MAP3K3: variants seen among roughly 807,000 people sequenced by gnomAD.
MAP3K3 encodes mitogen-activated protein kinase kinase kinase 3.
A neutral mutation model predicts 80.9 loss-of-function variants in MAP3K3; 12 were observed. That is an observed-to-expected ratio of 0.15 (90% CI 0.10 to 0.24). MAP3K3 has a LOEUF of 0.24. MAP3K3 is among the 10% of genes least tolerant of loss of function. MAP3K3 has a pLI of 1.00. For synonymous variants in MAP3K3, 272 were observed against 307.1 expected, an observed-to-expected ratio of 0.89 and a Z score of 1.19; for missense variants, 596 against 834.7, an observed-to-expected ratio of 0.71 and a Z score of 3.52.
chr17:63,631,928 T>G (rs1285187980), intron 1 of MAP3K3, among the ~76,000 whole-genome samples: 1 of 152,162 alleles, frequency 6.6e-6, no homozygotes, highest in Non-Finnish European at 1.5e-5. Context: ...AGGCCCTTAT[T>G]TGGTACCTTT....
intron 2 of MAP3K3, among the ~76,000 whole-genome samples, chr17:63,635,414 G>A (rs1284265193): frequency 1.3e-5 from 2 of 152,160 alleles, no homozygotes; most frequent in African/African-American, 2.4e-5. Context: ...TGTTAATATG[G>A]GCAAAAGGGG....
At chr17:63,648,159 G>A (rs2034576738) in intron 3 of MAP3K3, among the ~76,000 whole-genome samples, 1 of 152,216 alleles carries the variant, frequency 6.6e-6, no homozygotes, top group Admixed American at 6.5e-5. Context: ...CAATAGGATG[G>A]CAGCAGCTTA....
At chr17:63,658,073 G>A (rs2034809217) in intron 5 of MAP3K3, among the ~76,000 whole-genome samples, 166 bp downstream of exon 5, 1 of 152,198 alleles carries the variant, frequency 6.6e-6, no homozygotes, top group Non-Finnish European at 1.5e-5. Flanking sequence ...TTCTGCATTT[G>A]ATTTCACCGA....
chr17:63,667,092 T>G, intron 6 of MAP3K3, 32 bp downstream of exon 6: 1 of 1,552,252 alleles, frequency 6.4e-7, no homozygotes, highest in Non-Finnish European at 8.6e-7. Flanking sequence ...TCTCCCCCTC[T>G]ATTTTATCTG....
Position 63,692,129 on chromosome 17 carries a change from A to T in MAP3K3, c.1475-113A>T. 8.0e-7 allele frequency: 1 copy of T among 1,243,892 alleles called. No homozygotes were observed. The highest frequency in any genetic ancestry group is 1.1e-6 in the Non-Finnish European group (1 of 870,176). 77.1% of individuals were successfully genotyped at this position (1,243,892 alleles called of 1,614,324 possible). On this transcript the variant is annotated intron_variant, in intron 14 of 15. Transcript: ENST00000361733. This position sits in a 1 kb window ranked among gnomAD's most constrained non-coding sequence, Gnocchi z 4.5. The stretch of plus-strand genomic sequence containing the variant: ...CCTTTGCCCTTTGCAGTTCATGTCT[A>T]ATTCAGTGGTAGCCCTGCCCTCTCC...
At position 63,689,665 on chromosome 17, in the gene MAP3K3, C is replaced by T. The variant is rs758240670; in HGVS notation, c.993C>T (p.Pro331=). ...GTCTGGCTGTGCAATACCTGGACCC[C>T]CGTGGGCGCCTGCGGAGTGCGGACA... ...NMGLAVQYLD[P]RGRLRSADSE... is the part of the protein sequence containing the mutation. The change falls in exon 11 of 16, where the codon CCC becomes CCT. Residue 331 remains proline, a synonymous_variant. Coordinates refer to ENST00000361733, the MANE Select transcript of MAP3K3 (RefSeq NM_002401.5). The surrounding 1 kb of genome is among the most constrained non-coding windows in gnomAD (Gnocchi z 4.3). 2 of 1,613,908 alleles carry T rather than the reference C, an allele frequency of 1.2e-6. No homozygotes were observed. Among genetic ancestry groups the T allele is most frequent in the East Asian group, 2.2e-5 (1 of 44,858 alleles).
chr17:63,638,575 C>T (rs904310694), intron 2 of MAP3K3, among the ~76,000 whole-genome samples: 4 of 152,186 alleles, frequency 2.6e-5, no homozygotes, highest in African/African-American at 7.2e-5. Flanking sequence ...CCCGACAGCC[C>T]GCACTGTCTC....
intron 7 of MAP3K3, chr17:63,682,302 A>G (rs1383413200): frequency 6.4e-6 from 1 of 155,352 alleles, no homozygotes; most frequent in African/African-American, 2.4e-5. Context: ...GATGAAAGGT[A>G]AGGAGTAAAC....
chr17:63,627,745 A>T (rs1007482362), intron 1 of MAP3K3, among the ~76,000 whole-genome samples: 1 of 151,088 alleles, frequency 6.6e-6, no homozygotes, highest in Admixed American at 6.6e-5. Flanking sequence ...CCTGGCCATG[A>T]CTAATTTTTT....
chr17:63,641,554 T>C (rs1383006178), intron 2 of MAP3K3, among the ~76,000 whole-genome samples: 1 of 152,176 alleles, frequency 6.6e-6, no homozygotes, highest in Non-Finnish European at 1.5e-5. Flanking sequence ...TTAGGTTTAA[T>C]GGCAAAAACT....
Position 63,636,356 on chromosome 17 carries a change from G to A in MAP3K3, c.126+3554G>A, listed in dbSNP as rs1454791816. On this transcript the variant is annotated intron_variant, in intron 2 of 15. Coordinates refer to ENST00000361733, the MANE Select transcript of MAP3K3 (RefSeq NM_002401.5). Reference sequence around the variant, plus strand: ...GGAGTACAGAGAATACTGTACACTAGGAGCATTTGCTGTATTCTCCCTTTT... The same window carrying A: ...GGAGTACAGAGAATACTGTACACTAAGAGCATTTGCTGTATTCTCCCTTTT... Among the ~76,000 whole-genome samples, 4 of 152,158 alleles carry A rather than the reference G, an allele frequency of 2.6e-5. No individual in the cohort carries two copies. The East Asian group carries it at 7.7e-4, about 29-fold the overall frequency.
At chr17:63,673,946 C>T (rs1220285020) in intron 6 of MAP3K3, among the ~76,000 whole-genome samples, 4 of 151,882 alleles carry the variant, frequency 2.6e-5, no homozygotes, top group African/African-American at 4.8e-5. Context: ...CAGGTGTGGT[C>T]GTGCGCATCT....
chr17:63,669,304 T>C (rs2143476342), intron 6 of MAP3K3, among the ~76,000 whole-genome samples: 1 of 152,150 alleles, frequency 6.6e-6, no homozygotes, highest in Non-Finnish European at 1.5e-5. Flanking sequence ...ATTCTTCAGG[T>C]CCAGGCTGGC....
rs372206804 is a variant in MAP3K3, at chr17:63,646,037, G to T, written c.130G>T (p.Asp44Tyr). The change falls in exon 3 of 16, where the codon GAC becomes TAC. Residue 44 changes from aspartate to tyrosine, a missense_variant. Around this residue, in one of 2 missense-constraint regions of MAP3K3, gnomAD observed 232 missense variants for 245.8 expected, o/e 0.94. Transcript: ENST00000361733. The stretch of plus-strand genomic sequence containing the variant: ...TGTCTATCATTCTTTTTGGCAGAGT[G>T]ACGTCAGAATCAAGTTCGAGCACAA... The part of the protein sequence containing the change: ...KDTGHSNRQS[D>Y]VRIKFEHNGE... The T allele has an allele frequency of 1.9e-6, 3 of 1,613,830 alleles. No individual in the cohort carries two copies. The African/African-American group carries it at 4.0e-5, about 22-fold the overall frequency.
At chr17:63,670,335 C>T (rs2035079074) in intron 6 of MAP3K3, among the ~76,000 whole-genome samples, 1 of 152,006 alleles carries the variant, frequency 6.6e-6, no homozygotes, top group Non-Finnish European at 1.5e-5. Context: ...GTAACCCCAG[C>T]ACTTGGTGAG....
intron 3 of MAP3K3, among the ~76,000 whole-genome samples, chr17:63,650,606 C>T (rs1037600512): frequency 1.4e-5 from 2 of 147,484 alleles, no homozygotes; most frequent in Non-Finnish European, 3.0e-5. Context: ...CCTGGCTTGT[C>T]TTCTGTATTT....
At chr17:63,688,689 G>A (rs567139392) in intron 9 of MAP3K3, 95 bp downstream of exon 9, 1 of 1,431,344 alleles carries the variant, frequency 7.0e-7, no homozygotes, top group African/African-American at 1.4e-5. Flanking sequence ...AGCTCTCCTT[G>A]GGCTTGCTGC....
chr17:63,632,567 G>T, intron 1 of MAP3K3, 114 bp from the exon 2 acceptor site: 1 of 1,167,400 alleles, frequency 8.6e-7, no homozygotes, highest in Non-Finnish European at 1.2e-6. Context: ...TATAGTTACA[G>T]GGTCTGTCAT....
In MAP3K3 at chr17:63,692,277, A is replaced by G; in HGVS notation, c.1510A>G (p.Lys504Glu). 1 of 1,613,820 alleles carries G rather than the reference A, an allele frequency of 6.2e-7. No individual in the cohort carries two copies. Among genetic ancestry groups the G allele is most frequent in the Non-Finnish European group, 8.5e-7 (1 of 1,179,954 alleles). The change falls in exon 15 of 16, where the codon AAG (lysine) becomes GAG (glutamate). Residue 504 changes from lysine to glutamate, a missense_variant. Lys to Glu is a moderately conservative substitution (Grantham distance 56). This residue lies in a region of MAP3K3 where 364 missense variants were observed against 588.9 expected (regional missense o/e 0.62). Coordinates refer to ENST00000361733, the MANE Select transcript of MAP3K3 (RefSeq NM_002401.5). This position sits in a 1 kb window ranked among gnomAD's most constrained non-coding sequence, Gnocchi z 4.5. ...CCTCCGAGACTCTGCTGGGAATGTA[A>G]AGCTGGGGGACTTTGGGGCCAGCAA... ...NILRDSAGNV[K>E]LGDFGASKRL...
Sources: gnomAD v4.1 joint callset for allele counts (sites outside exome capture counted in the v4.1 genomes callset) on GRCh38, gnomAD v4.1.1 for gene constraint, gnomAD v4.1.1 regional missense constraint, Gnocchi (gnomAD v3.1) non-coding constraint, MANE v1.5 for transcripts, NCBI Gene and HGNC (gene_info 2026-07-23, HGNC 2026-07-21) for gene names.